The following TTC29 variants were observed in gnomAD, a reference collection of about 807,000 sequenced individuals.
The protein encoded by TTC29 is tetratricopeptide repeat domain 29.
A neutral mutation model predicts 58.1 loss-of-function variants in TTC29; 49 were observed. That is an observed-to-expected ratio of 0.84 (90% confidence interval 0.67 to 1.07). TTC29 has a LOEUF of 1.07. TTC29 is among the 50% of genes least tolerant of loss of function. The probability of loss-of-function intolerance (pLI) is 0.00; values close to 1 mark genes in which losing one functional copy is unlikely to be tolerated. For missense variants in TTC29, 582 were observed against 555.6 expected, an observed-to-expected ratio of 1.05 and a Z score of -0.48; for synonymous variants, 209 against 196.8, an observed-to-expected ratio of 1.06 and a Z score of -0.52.
At position 146,707,094 on chromosome 4, in the gene TTC29, A is replaced by G; in HGVS notation, c.*64T>C. The G allele has an allele frequency of 1.7e-6, 2 of 1,207,620 alleles. No homozygotes were observed. The highest frequency in any genetic ancestry group is 1.6e-5 in the South Asian group (1 of 61,396). 74.8% of individuals were successfully genotyped at this position (1,207,620 alleles called of 1,614,324 possible). A position where few individuals can be genotyped will look rare whatever the true frequency, so the allele number is the denominator to read the frequency against. Reference sequence around the variant, plus strand: ...TTATCTGTAACATGCTCCTATTACAAGTATTGAAGTCTAAGGTGACATGAT... The same window carrying G: ...TTATCTGTAACATGCTCCTATTACAGGTATTGAAGTCTAAGGTGACATGAT... On this transcript the variant is annotated 3_prime_UTR_variant, in exon 13 of 13. Coordinates refer to ENST00000325106, the MANE Select transcript of TTC29 (RefSeq NM_031956.4).
chr4:146,880,652 A>C (rs1284059689), intron 6 of TTC29, among the ~76,000 whole-genome samples: 3 of 152,064 alleles, frequency 2.0e-5, no homozygotes, highest in African/African-American at 7.2e-5. Context: ...AATGTATATG[A>C]TCTCTCCCAT....
At chr4:146,815,889 CT>C (rs1292480343) in intron 10 of TTC29, among the ~76,000 whole-genome samples, 1 of 152,160 alleles carries the variant, frequency 6.6e-6, no homozygotes, top group Non-Finnish European at 1.5e-5. Context: ...AAACCCAGCC[CT>C]TCTGTACAAC....
At chr4:146,914,901 A>G (rs1052475938) in intron 4 of TTC29, among the ~76,000 whole-genome samples, 1 of 152,172 alleles carries the variant, frequency 6.6e-6, no homozygotes, top group Non-Finnish European at 1.5e-5. Context: ...GTGAATATAT[A>G]GAGATGCTGG....
chr4:146,708,357 C>CGTATATATATATATATATATATAT (rs1742209541), intron 11 of TTC29, among the ~76,000 whole-genome samples: 7 of 16,834 alleles, frequency 4.2e-4, no homozygotes, highest in African/African-American at 9.7e-4. Flanking sequence ...TATATATATA[C>CGTATATATATATATATATATATAT]ACATGTATGT....
At chr4:146,731,894 C>T (rs1056945189) in intron 11 of TTC29, among the ~76,000 whole-genome samples, 3 of 152,136 alleles carry the variant, frequency 2.0e-5, no homozygotes, top group South Asian at 2.1e-4. Context: ...AGCCAGTTAG[C>T]GTTGCTTGTA....
intron 4 of TTC29, among the ~76,000 whole-genome samples, chr4:146,935,402 G>C (rs1050011886): frequency 1.3e-5 from 2 of 152,180 alleles, no homozygotes; most frequent in Non-Finnish European, 2.9e-5. Flanking sequence ...GCAGTAGAGA[G>C]AGGGATTTGA....
chr4:146,936,517 ATAAT>A (rs1482611018), intron 4 of TTC29, among the ~76,000 whole-genome samples: 1 of 152,146 alleles, frequency 6.6e-6, no homozygotes, highest in Non-Finnish European at 1.5e-5. Flanking sequence ...GGAAAGTTAA[ATAAT>A]TAATCATCAG....
intron 11 of TTC29, among the ~76,000 whole-genome samples, chr4:146,738,242 T>C (rs1305586872): frequency 1.3e-5 from 2 of 152,114 alleles, no homozygotes; most frequent in African/African-American, 4.8e-5. Context: ...TAATAGCTGA[T>C]GGTGAAGAAA....
chr4:146,902,229 C>T (rs1173327244), intron 6 of TTC29, among the ~76,000 whole-genome samples: 2 of 152,106 alleles, frequency 1.3e-5, no homozygotes, highest in African/African-American at 4.8e-5. Flanking sequence ...TCCTTGCCCT[C>T]CGTGTACAGA....
chr4:146,893,921 A>T (rs1006807350), intron 6 of TTC29, among the ~76,000 whole-genome samples: 5 of 152,248 alleles, frequency 3.3e-5, no homozygotes, highest in Non-Finnish European at 5.9e-5. Flanking sequence ...CAAAAGACAC[A>T]TGAAAAAATA....
chr4:146,903,980 T>C (rs972576262), intron 5 of TTC29, among the ~76,000 whole-genome samples: 2 of 152,184 alleles, frequency 1.3e-5, no homozygotes, highest in African/African-American at 2.4e-5. Flanking sequence ...AAATTGACAC[T>C]ATCTGGTTGA....
At chr4:146,859,124 A>C (rs1730063793) in intron 8 of TTC29, among the ~76,000 whole-genome samples, 1 of 152,178 alleles carries the variant, frequency 6.6e-6, no homozygotes, top group South Asian at 2.1e-4. Context: ...ATGATAGGGA[A>C]GAGTGAGAAT....
intron 6 of TTC29, among the ~76,000 whole-genome samples, chr4:146,877,460 AT>A (rs1731343891): frequency 6.6e-6 from 1 of 152,014 alleles, no homozygotes; most frequent in Non-Finnish European, 1.5e-5. Context: ...TTTAGCTGAT[AT>A]TTTTTCTTAC....
At chr4:146,741,366 G>T (rs1327390281) in intron 11 of TTC29, among the ~76,000 whole-genome samples, 1 of 152,142 alleles carries the variant, frequency 6.6e-6, no homozygotes, top group East Asian at 1.9e-4. Context: ...AGAAGATATT[G>T]CATGGGTTTG....
chr4:146,842,794 T>G (rs1728930561), intron 8 of TTC29, among the ~76,000 whole-genome samples: 2 of 152,142 alleles, frequency 1.3e-5, no homozygotes, highest in African/African-American at 2.4e-5. Context: ...AGTGTATTAC[T>G]TTGAGGAAAA....
rs570138243 is a variant in TTC29, at chr4:146,900,580, C to T, written c.586+2964G>A. Among the ~76,000 whole-genome samples the T allele has an allele frequency of 2.0e-5, 3 of 152,192 alleles. No individual in the cohort carries two copies. In the South Asian group the frequency reaches 6.3e-4, roughly 32 times the overall value. ...GCGTACTAACCACAGGGCCCATAGG[C>T]AGAGTATTTTTTGAACGAATGGGTG... On this transcript the variant is annotated intron_variant, in intron 6 of 12. Transcript: ENST00000325106.
intron 6 of TTC29, among the ~76,000 whole-genome samples, chr4:146,882,952 CTG>C (rs905365153): frequency 4.9e-4 from 74 of 151,562 alleles, no homozygotes; most frequent in Non-Finnish European, 8.1e-4. Flanking sequence ...CTCTCTCTCT[CTG>C]TGTGTGTGCA....
At chr4:146,783,249 C>T (rs887404584) in intron 11 of TTC29, among the ~76,000 whole-genome samples, 11 of 151,954 alleles carry the variant, frequency 7.2e-5, no homozygotes, top group Non-Finnish European at 1.6e-4. Context: ...CCTTTTCACT[C>T]TCCACAACCC....
Position 146,903,606 on chromosome 4 carries a change from A to T in TTC29, c.524T>A (p.Ile175Asn). The T allele has an allele frequency of 6.2e-7, 1 of 1,612,664 alleles. No individual in the cohort carries two copies. Among genetic ancestry groups the T allele is most frequent in the Non-Finnish European group, 8.5e-7 (1 of 1,179,334 alleles). The change falls in exon 6 of 13, where the codon ATT becomes AAT. Residue 175 changes from isoleucine (I) to asparagine (N), a missense_variant. Physicochemically the swap from Ile to Asn is moderately radical, Grantham distance 149 (BLOSUM62 -3). Coordinates refer to ENST00000325106, the MANE Select transcript of TTC29 (RefSeq NM_031956.4). ...CTCGGCTTCTTTCTTCCCACAGTCAATTTTGATCAGCTGAGCAATCTTAAA... is the reference window on the plus strand; with the variant it reads ...CTCGGCTTCTTTCTTCCCACAGTCATTTTTGATCAGCTGAGCAATCTTAAA... ...RCFKIAQLIKIDCGKKEAEAH... is the reference protein window; with the variant it reads ...RCFKIAQLIKNDCGKKEAEAH...
Sources: allele counts gnomAD v4.1 joint callset (sites outside exome capture counted in the v4.1 genomes callset), GRCh38; gene constraint gnomAD v4.1.1; transcripts MANE v1.5; gene names NCBI Gene and HGNC (gene_info 2026-07-23, HGNC 2026-07-21).